MAP3K19: variants seen among roughly 807,000 people sequenced by gnomAD.
The protein encoded by MAP3K19 is mitogen-activated protein kinase kinase kinase 19, also known as SPS1/STE20-related protein kinase YSK4.
Under a neutral mutation model 114.4 loss-of-function variants are expected in MAP3K19, and 91 were observed. The observed-to-expected ratio is 0.80, with a 90% confidence interval of 0.67 to 0.95. The LOEUF is 0.95. Ranked by LOEUF, MAP3K19 falls within the 40% of genes least tolerant of loss-of-function variation. The pLI, the probability that MAP3K19 is intolerant of heterozygous loss-of-function variation, is 0.00. For synonymous variants in MAP3K19, 518 were observed against 530.5 expected, an observed-to-expected ratio of 0.98 and a Z score of 0.32; for missense variants, 1,471 against 1,573.2, an observed-to-expected ratio of 0.94 and a Z score of 1.10.
chr2:134,997,448 TA>T (rs555695986), intron 8 of MAP3K19, among the ~76,000 whole-genome samples: 1 of 152,160 alleles, frequency 6.6e-6, no homozygotes, highest in African/African-American at 2.4e-5. Context: ...TGAATGTACT[TA>T]AATGCCACTG....
chr2:134,991,270 T>C (rs956387625), intron 9 of MAP3K19: 20 of 413,320 alleles, frequency 4.8e-5, no homozygotes, highest in East Asian at 2.1e-4. Flanking sequence ...CACTGCACTC[T>C]AGCCTGGGTG....
In MAP3K19 at chr2:135,046,496, G is replaced by A. The variant is rs143879935; in HGVS notation, c.-424+689C>T. ...TCACCATGTTGGGCAGGCTGGTCTC[G>A]AACTCCTGACCTCAGGTCATCCACC... On this transcript the variant is annotated intron_variant, in intron 1 of 12. Transcript: ENST00000392915. 2.4e-3 allele frequency among the ~76,000 whole-genome samples: 360 copies of A among 152,182 alleles called. 2 individuals carry two copies. In the Middle Eastern group the frequency reaches 0.037, roughly 16 times the overall value.
intron 6 of MAP3K19, among the ~76,000 whole-genome samples, chr2:135,004,150 G>A (rs756512077): frequency 2.1e-4 from 32 of 152,182 alleles, no homozygotes; most frequent in Non-Finnish European, 3.7e-4. Flanking sequence ...ATCCCAAATG[G>A]TGAGTTATCT....
intron 11 of MAP3K19, among the ~76,000 whole-genome samples, chr2:134,983,004 CAG>C (rs1372606401): frequency 6.6e-6 from 1 of 152,164 alleles, no homozygotes; most frequent in East Asian, 1.9e-4. Flanking sequence ...ATGATCAAGA[CAG>C]TGTGTTTAGG....
At chr2:134,967,179 A>T (rs1188969680) in intron 12 of MAP3K19, among the ~76,000 whole-genome samples, 1 of 152,030 alleles carries the variant, frequency 6.6e-6, no homozygotes, top group Non-Finnish European at 1.5e-5. Context: ...AGTCATCGCC[A>T]CTCCCCAGTC....
intron 10 of MAP3K19, among the ~76,000 whole-genome samples, chr2:134,984,951 CA>C (rs984686275): frequency 2.6e-5 from 4 of 151,354 alleles, no homozygotes; most frequent in South Asian, 2.1e-4. Context: ...GACTCCATCT[CA>C]AAAAAAAATT....
chr2:134,971,028 C>G (rs776958793), intron 12 of MAP3K19, among the ~76,000 whole-genome samples: 3 of 152,124 alleles, frequency 2.0e-5, no homozygotes, highest in Non-Finnish European at 4.4e-5. Flanking sequence ...CACCTTTTCC[C>G]CATTCTGTAT....
In MAP3K19 at chr2:134,987,197, G is replaced by T. The variant is rs190072345; in HGVS notation, c.1675C>A (p.Pro559Thr). Residue 559 changes from proline (P) to threonine (T), a missense_variant, in exon 10 of 13, where the codon CCC becomes ACC. Transcript: ENST00000392915. ...PQNFVISTEG[P>T]IKPTMHKTSI... is the part of the protein sequence containing the mutation. ...GTTTTATGCATGGTAGGCTTAATGG[G>T]ACCTTCAGTAGAAATCACAAAATTC... 3.7e-6 allele frequency: 6 copies of T among 1,614,146 alleles called. No homozygotes were observed. In the Admixed American group the frequency reaches 1.0e-4, roughly 27 times the overall value.
At position 134,988,068 on chromosome 2, in the gene MAP3K19, T is replaced by A; in HGVS notation, c.804A>T (p.Leu268=). 1 of 1,613,736 alleles carries A rather than the reference T, an allele frequency of 6.2e-7. No individual in the cohort carries two copies. The highest frequency in any genetic ancestry group is 8.5e-7 in the Non-Finnish European group (1 of 1,179,828). ...LSPSNEPPGA[L]VKSLMDPTLR... ...GAGTCGGATCCATCAACGACTTAACTAGGGCTCCCGGAGGCTCGTTTGATG... is the reference window on the plus strand; with the variant it reads ...GAGTCGGATCCATCAACGACTTAACAAGGGCTCCCGGAGGCTCGTTTGATG... Residue 268 remains leucine (L), a synonymous_variant, in exon 10 of 13, where the codon CTA becomes CTT. Coordinates refer to ENST00000392915, the MANE Select transcript of MAP3K19 (RefSeq NM_025052.5).
chr2:134,993,893 C>G (rs771407458), intron 8 of MAP3K19, among the ~76,000 whole-genome samples: 21 of 152,254 alleles, frequency 1.4e-4, no homozygotes, highest in Middle Eastern at 3.4e-3. Flanking sequence ...CACCTGTACT[C>G]CCAGCTACTC....
Position 134,998,819 on chromosome 2 carries a change from A to G in MAP3K19, c.493T>C (p.Cys165Arg). Residue 165 changes from cysteine (C) to arginine (R), a missense_variant, in exon 8 of 13, where the codon TGT becomes CGT. Transcript: ENST00000392915. ...GACTTGGAAATGTTCAGTTCTAAAC[A>G]AGATCTTGGTAGCAAAAAGCCCAAG... The part of the protein sequence containing the change: ...VNLGFLLPRS[C>R]LELNISKSVT... The G allele has an allele frequency of 6.2e-7, 1 of 1,614,192 alleles. No individual in the cohort carries two copies. The highest frequency in any genetic ancestry group is 8.5e-7 in the Non-Finnish European group (1 of 1,180,024).
chr2:135,033,359 C>T (rs1471474395), intron 2 of MAP3K19, among the ~76,000 whole-genome samples: 1 of 115,274 alleles, frequency 8.7e-6, no homozygotes, highest in African/African-American at 4.5e-5. Flanking sequence ...GGCAGCTGGC[C>T]GGGTGGGGGG....
intron 5 of MAP3K19, among the ~76,000 whole-genome samples, chr2:135,021,325 A>G (rs980235101): frequency 6.6e-6 from 1 of 152,196 alleles, no homozygotes; most frequent in African/African-American, 2.4e-5. Context: ...GGCAATCTGC[A>G]GTCCAGAAGA....
At chr2:135,025,372 C>CTTTT (rs1054458367) in intron 3 of MAP3K19, among the ~76,000 whole-genome samples, 1 of 70,138 alleles carries the variant, frequency 1.4e-5, no homozygotes, top group African/African-American at 7.1e-5. Context: ...ATGGCCTTTT[C>CTTTT]TTTTCTTTTT....
chr2:135,020,219 G>A (rs1025483452), intron 5 of MAP3K19, among the ~76,000 whole-genome samples: 8 of 152,000 alleles, frequency 5.3e-5, no homozygotes, highest in Non-Finnish European at 1.0e-4. Context: ...GGCTTTCACC[G>A]TGTTGGCCAG....
intron 2 of MAP3K19, among the ~76,000 whole-genome samples, chr2:135,031,592 A>G (rs547668606): frequency 1.3e-5 from 2 of 152,172 alleles, no homozygotes; most frequent in Non-Finnish European, 2.9e-5. Flanking sequence ...TCCTCAGGAA[A>G]ATGACATAAT....
intron 4 of MAP3K19, chr2:135,023,111 T>C (rs1371097353): frequency 4.7e-6 from 1 of 214,392 alleles, no homozygotes; most frequent in Non-Finnish European, 9.5e-6. Context: ...AAGTGATCTA[T>C]ACCCAGACTT....
At chr2:135,045,835 T>C (rs1688730792) in intron 1 of MAP3K19, among the ~76,000 whole-genome samples, 1 of 152,226 alleles carries the variant, frequency 6.6e-6, no homozygotes, top group African/African-American at 2.4e-5. Flanking sequence ...CAATAGAGAC[T>C]GGAGGAAGAC....
chr2:135,018,189 G>A (rs1470974114), intron 5 of MAP3K19, among the ~76,000 whole-genome samples: 1 of 150,590 alleles, frequency 6.6e-6, no homozygotes, highest in Admixed American at 6.7e-5. Context: ...TACTCCAGAG[G>A]CTGAGTTAGG....
Sources: allele counts gnomAD v4.1 joint callset (sites outside exome capture counted in the v4.1 genomes callset), GRCh38; gene constraint gnomAD v4.1.1; transcripts MANE v1.5; gene names NCBI Gene and HGNC (gene_info 2026-07-23, HGNC 2026-07-21).